SLCO3A1: variants seen among roughly 807,000 people sequenced by gnomAD.
SLCO3A1 encodes the protein PGE1 transporter.
In SLCO3A1, 27 loss-of-function variants were observed where a neutral mutation model predicts 63.1. The ratio of observed to expected loss-of-function variants is 0.43; its 90% CI spans 0.32 to 0.59. The LOEUF is 0.59. SLCO3A1 is among the 20% of genes least tolerant of loss of function. The pLI is 0.09. For missense variants in SLCO3A1, 773 were observed against 945.8 expected (o/e 0.82, Z 2.40); for synonymous variants, 473 against 409.9 (o/e 1.15, Z -1.86).
chr15:91,930,838 G>T (rs551727335), intron 2 of SLCO3A1, among the ~76,000 whole-genome samples: 1 of 152,300 alleles, frequency 6.6e-6, no homozygotes, highest in Non-Finnish European at 1.5e-5. Context: ...GCGCTTTATG[G>T]GAGGAAATCC....
At chr15:92,016,254 T>TAGATAGATAGATAGATTGATTAGATAGA in intron 2 of SLCO3A1, among the ~76,000 whole-genome samples, 22 of 95,658 alleles carry the variant, frequency 2.3e-4, no homozygotes, top group South Asian at 4.0e-4. Flanking sequence ...GATAGATAGA[T>TAGATAGATAGATAGATTGATTAGATAGA]TAGATAGATA....
rs1897619817 is a variant in SLCO3A1 at position 91,882,649 on chromosome 15, G to C, written c.180+28561G>C. On this transcript the variant is annotated intron_variant, in intron 1 of 9. Coordinates refer to ENST00000318445, the MANE Select transcript of SLCO3A1 (RefSeq NM_013272.4). The surrounding 1 kb of genome is among the most constrained non-coding windows in gnomAD (Gnocchi z 4.4). ...CTTGCTTCAGCCTCCCGAGTAGCTGGGACCACAGGCGTATGCACCACCACC... is the reference window on the plus strand; with the variant it reads ...CTTGCTTCAGCCTCCCGAGTAGCTGCGACCACAGGCGTATGCACCACCACC... 6.6e-6 allele frequency among the ~76,000 whole-genome samples: 1 copy of C among 152,090 alleles called. No homozygotes were observed. The highest frequency in any genetic ancestry group is 2.1e-4 in the South Asian group (1 of 4,824).
chr15:91,905,479 A>C (rs903700251), intron 1 of SLCO3A1, among the ~76,000 whole-genome samples: 1 of 152,076 alleles, frequency 6.6e-6, no homozygotes, highest in Non-Finnish European at 1.5e-5. Flanking sequence ...TTCTTATACT[A>C]TTGGTTTTTA....
chr15:91,863,692 A>T lies in SLCO3A1; in HGVS notation c.180+9604A>T, dbSNP rs1353806763. On this transcript the variant is annotated intron_variant, in intron 1 of 9. Coordinates refer to ENST00000318445, the MANE Select transcript of SLCO3A1 (RefSeq NM_013272.4). This position sits in a 1 kb window ranked among gnomAD's most constrained non-coding sequence, Gnocchi z 4.3. ...ATTTTTTTGGCCGGAGTGATGATTGAGGAGAAGAAACTTAAAGGGAGCCAG... is the reference window on the plus strand; with the variant it reads ...ATTTTTTTGGCCGGAGTGATGATTGTGGAGAAGAAACTTAAAGGGAGCCAG... Among the ~76,000 whole-genome samples the T allele has an allele frequency of 6.6e-6, 1 of 152,158 alleles. No individual in the cohort carries two copies. Among genetic ancestry groups the T allele is most frequent in the Non-Finnish European group, 1.5e-5 (1 of 68,024 alleles).
chr15:92,019,983 G>A (rs1406887199), intron 2 of SLCO3A1, among the ~76,000 whole-genome samples: 1 of 152,148 alleles, frequency 6.6e-6, no homozygotes, highest in African/African-American at 2.4e-5. Flanking sequence ...CCATGTGGGG[G>A]AAGCGACATG....
intron 2 of SLCO3A1, among the ~76,000 whole-genome samples, chr15:92,082,330 G>A (rs534631625): frequency 7.9e-5 from 12 of 152,322 alleles, no homozygotes; most frequent in Admixed American, 4.6e-4. Context: ...TTGAGGAGAC[G>A]AAGGCAAGTG....
At chr15:92,156,339 C>T (rs1301117904) in intron 9 of SLCO3A1, among the ~76,000 whole-genome samples, 1 of 152,192 alleles carries the variant, frequency 6.6e-6, no homozygotes, top group Non-Finnish European at 1.5e-5. Context: ...GCCATGTGCC[C>T]TGGCTCTGTC....
rs1051118483 is a variant in SLCO3A1 at position 91,894,831 on chromosome 15, G to A, written c.181-21162G>A. ...CTGCACATGCTTCTGCCACACAGAG[G>A]CACAGAACAGTGAAACCCCCGGAGG... On this transcript the variant is annotated intron_variant, in intron 1 of 9. Transcript: ENST00000318445. The surrounding 1 kb of genome is among the most constrained non-coding windows in gnomAD (Gnocchi z 4.8). Among the ~76,000 whole-genome samples the A allele has an allele frequency of 6.6e-6, 1 of 152,118 alleles. No homozygotes were observed. Among genetic ancestry groups the A allele is most frequent in the African/African-American group, 2.4e-5 (1 of 41,442 alleles).
chr15:91,956,714 T>G (rs1320882787), intron 2 of SLCO3A1, among the ~76,000 whole-genome samples: 4 of 150,938 alleles, frequency 2.7e-5, no homozygotes, highest in Admixed American at 2.0e-4. Context: ...AGTCAACTTT[T>G]GTGCCCCTCC....
intron 3 of SLCO3A1, 112 bp downstream of exon 3, chr15:92,095,091 C>A: frequency 3.5e-6 from 2 of 569,746 alleles, no homozygotes; most frequent in South Asian, 2.0e-5. Flanking sequence ...AGTCTTGATG[C>A]CCCTGCCTCT....
At chr15:92,151,738 C>T (rs1300050018) in intron 9 of SLCO3A1, among the ~76,000 whole-genome samples, 1 of 152,136 alleles carries the variant, frequency 6.6e-6, no homozygotes, top group Non-Finnish European at 1.5e-5. Flanking sequence ...TAACTTTTTT[C>T]CTTGAATAAT....
chr15:91,932,297 T>C (rs1899263476), intron 2 of SLCO3A1, among the ~76,000 whole-genome samples: 1 of 152,160 alleles, frequency 6.6e-6, no homozygotes, highest in Non-Finnish European at 1.5e-5. Flanking sequence ...TAAAACATAT[T>C]CAAAATTAAA....
intron 4 of SLCO3A1, among the ~76,000 whole-genome samples, chr15:92,108,910 A>G (rs1000416290): frequency 2.6e-5 from 4 of 152,002 alleles, no homozygotes; most frequent in Non-Finnish European, 2.9e-5. Flanking sequence ...ATCCCTGCAA[A>G]GCACCTGGGA....
intron 1 of SLCO3A1, among the ~76,000 whole-genome samples, chr15:91,868,832 A>G (rs1897228808): frequency 6.6e-6 from 1 of 152,126 alleles, no homozygotes; most frequent in African/African-American, 2.4e-5. Flanking sequence ...TCTCACTATA[A>G]ATTCTGTTTA....
chr15:92,149,075 C>T (rs982183659), intron 8 of SLCO3A1: 1 of 152,350 alleles, frequency 6.6e-6, no homozygotes, highest in Non-Finnish European at 1.5e-5. Flanking sequence ...TGAAAAATGA[C>T]TAGTCTCTTA....
rs1896997395 is a variant in SLCO3A1, at chr15:91,859,364, G to T, written c.180+5276G>T. 6.6e-6 allele frequency among the ~76,000 whole-genome samples: 1 copy of T among 152,138 alleles called. No homozygotes were observed. Among genetic ancestry groups the T allele is most frequent in the Admixed American group, 6.5e-5 (1 of 15,280 alleles). ...TGTATCTGGAAAACAGATATAAACA[G>T]GAAAAACAGTGGAATCATGGACCTT... On this transcript the variant is annotated intron_variant, in intron 1 of 9. Coordinates refer to ENST00000318445, the MANE Select transcript of SLCO3A1 (RefSeq NM_013272.4). This position sits in a 1 kb window ranked among gnomAD's most constrained non-coding sequence, Gnocchi z 5.1.
At chr15:91,975,614 C>T (rs1300937048) in intron 2 of SLCO3A1, among the ~76,000 whole-genome samples, 1 of 152,238 alleles carries the variant, frequency 6.6e-6, no homozygotes, top group Non-Finnish European at 1.5e-5. Flanking sequence ...GGGGGGCACC[C>T]TGCCAGCTTC....
rs1897695355 is a variant in SLCO3A1 at position 91,885,273 on chromosome 15, A to C, written c.181-30720A>C. 2.0e-5 allele frequency among the ~76,000 whole-genome samples: 3 copies of C among 152,114 alleles called. No individual in the cohort carries two copies. The highest frequency in any genetic ancestry group is 7.2e-5 in the African/African-American group (3 of 41,414). On this transcript the variant is annotated intron_variant, in intron 1 of 9. Transcript: ENST00000318445. This position sits in a 1 kb window ranked among gnomAD's most constrained non-coding sequence, Gnocchi z 4.7. ...CCTTTTCTCACCATCTTCCTTCTCC[A>C]GGGCTACCTCCTGAGGGCTCACTCC...
chr15:92,113,306 G>A lies in SLCO3A1; in HGVS notation c.1010-7159G>A, dbSNP rs187140489. The stretch of plus-strand genomic sequence containing the variant: ...TGCTTCGTGCTTTAAACTGGCTAAT[G>A]GGCAGCCACATGACTTTTTCTCTTG... On this transcript the variant is annotated intron_variant, in intron 4 of 9. Coordinates refer to ENST00000318445, the MANE Select transcript of SLCO3A1 (RefSeq NM_013272.4). Among the ~76,000 whole-genome samples, 325 of 152,154 alleles carry A rather than the reference G, an allele frequency of 2.1e-3. 1 individual carries two copies. The highest frequency in any genetic ancestry group is 2.5e-3 in the Non-Finnish European group (172 of 68,016).
Sources: allele counts gnomAD v4.1 joint callset (sites outside exome capture counted in the v4.1 genomes callset), GRCh38; gene constraint gnomAD v4.1.1; non-coding constraint Gnocchi (gnomAD v3.1); transcripts MANE v1.5; gene names NCBI Gene and HGNC (gene_info 2026-07-23, HGNC 2026-07-21).